Variants in SYBU observed in about 807,000 individuals in gnomAD.
SYBU encodes GOLSYN A protein.
A neutral mutation model predicts 35.9 loss-of-function variants in SYBU; 21 were observed. The observed-to-expected ratio is 0.58, with a 90% CI of 0.41 to 0.84. SYBU has a LOEUF of 0.84. Ranked by LOEUF, SYBU falls within the 40% of genes least tolerant of loss-of-function variation. The probability of loss-of-function intolerance (pLI) is 0.00; values close to 1 mark genes in which losing one functional copy is unlikely to be tolerated. For missense variants in SYBU, 768 were observed against 848.2 expected (o/e 0.91, Z 1.17); for synonymous variants, 319 against 324.3 (o/e 0.98, Z 0.18).
intron 2 of SYBU, among the ~76,000 whole-genome samples, chr8:109,638,937 C>A (rs1294032270): frequency 6.6e-6 from 1 of 152,198 alleles, no homozygotes; most frequent in Non-Finnish European, 1.5e-5. Flanking sequence ...AGGTCACACA[C>A]AACTTCTTCC....
At chr8:109,630,742 C>T (rs1157469863) in intron 2 of SYBU, among the ~76,000 whole-genome samples, 1 of 152,094 alleles carries the variant, frequency 6.6e-6, no homozygotes, top group Non-Finnish European at 1.5e-5. Flanking sequence ...TGCTATGCTA[C>T]ATTTGAGACA....
intron 3 of SYBU, among the ~76,000 whole-genome samples, chr8:109,611,975 G>A (rs1185528945): frequency 6.6e-6 from 1 of 152,138 alleles, no homozygotes; most frequent in Non-Finnish European, 1.5e-5. Flanking sequence ...AAAAAATTGT[G>A]TTTTATATCA....
chr8:109,630,505 G>A (rs1813496722), intron 2 of SYBU, among the ~76,000 whole-genome samples: 1 of 152,202 alleles, frequency 6.6e-6, no homozygotes, highest in South Asian at 2.1e-4. Context: ...AGAGGTAACA[G>A]TGGTTTGACC....
At chr8:109,669,835 T>C (rs1816911072) in intron 1 of SYBU, among the ~76,000 whole-genome samples, 1 of 152,254 alleles carries the variant, frequency 6.6e-6, no homozygotes, top group Non-Finnish European at 1.5e-5. Context: ...GGATCCTAGC[T>C]ACCTATGTAA....
upstream of SYBU, chr8:109,644,989 CG>C: frequency 2.0e-6 from 1 of 492,990 alleles, no homozygotes; most frequent in Admixed American, 3.1e-5. Context: ...CGGCACTCCG[CG>C]CCCCCCCAGC....
At chr8:109,684,628 G>C (rs1425342883), upstream of SYBU, among the ~76,000 whole-genome samples, 1 of 152,194 alleles carries the variant, frequency 6.6e-6, no homozygotes, top group Non-Finnish European at 1.5e-5. Flanking sequence ...AAAAGTCTTT[G>C]GCTGAACTTC....
At chr8:109,642,996 G>T (rs768697272) in intron 1 of SYBU, 64 bp from the exon 2 acceptor site, 3 of 1,452,962 alleles carry the variant, frequency 2.1e-6, no homozygotes, top group African/African-American at 1.4e-5. Flanking sequence ...AACTCCTGTC[G>T]GTTCCTTCAA....
chr8:109,688,691 G>C lies in SYBU; in HGVS notation c.-58+2642C>G, dbSNP rs143129839. On this transcript the variant is annotated intron_variant, in intron 1 of 7. Coordinates refer to the SYBU transcript ENST00000422135. ...ATCATGTCTGCTTGGTGATATCTCT[G>C]GGTTCTGTCACCTGAACCACAGAAA... 1.2e-3 allele frequency among the ~76,000 whole-genome samples: 180 copies of C among 148,460 alleles called. 2 individuals are homozygous for C. The highest frequency in any genetic ancestry group is 3.8e-3 in the Admixed American group (57 of 14,932).
chr8:109,584,382 T>C lies in SYBU; in HGVS notation c.530+1678A>G, dbSNP rs1237614853. On this transcript the variant is annotated intron_variant, in intron 4 of 6. Coordinates refer to ENST00000276646, the MANE Select transcript of SYBU (RefSeq NM_001099754.2). This position sits in a 1 kb window ranked among gnomAD's most constrained non-coding sequence, Gnocchi z 4.0. ...CTTGGAATTTAACCACAAACACTGA[T>C]TCCTTTGAAATATTTAAGTTGGCTT... 1.3e-5 allele frequency among the ~76,000 whole-genome samples: 2 copies of C among 152,222 alleles called. No homozygotes were observed. The highest frequency in any genetic ancestry group is 2.9e-5 in the Non-Finnish European group (2 of 68,038).
chr8:109,603,945 C>G (rs1388754167), intron 3 of SYBU, among the ~76,000 whole-genome samples: 1 of 152,144 alleles, frequency 6.6e-6, no homozygotes. Flanking sequence ...TATTATTATT[C>G]TACCCAGCTC....
Position 109,668,176 on chromosome 8 carries a change from G to A in SYBU, c.-129+12535C>T, listed in dbSNP as rs149397162. Among the ~76,000 whole-genome samples, 87 of 55,484 alleles carry A rather than the reference G, an allele frequency of 1.6e-3. 3 individuals are homozygous for A. Among genetic ancestry groups the A allele is most frequent in the African/African-American group, 0.012 (77 of 6,576 alleles). 36.4% of individuals were successfully genotyped at this position (55,484 alleles called of 152,430 possible). A position where few individuals can be genotyped will look rare whatever the true frequency, so the allele number is the denominator to read the frequency against. ...AGAGGGGGAGAGGGGGAGAGAGAGA[G>A]AGAGAGAGAGAGAGAGAGAGAGAGA... On this transcript the variant is annotated intron_variant, in intron 1 of 5. Transcript: ENST00000408889.
rs1029609182 is a variant in SYBU, at chr8:109,584,449, T to C, written c.530+1611A>G. Among the ~76,000 whole-genome samples the C allele has an allele frequency of 5.9e-5, 9 of 152,204 alleles. No individual in the cohort carries two copies. The highest frequency in any genetic ancestry group is 5.9e-4 in the Admixed American group (9 of 15,280). ...TTTTTTATCTTTTTGCCTTTCTATA[T>C]TGTTTGATACTTTGTTCCATGTGTA... On this transcript the variant is annotated intron_variant, in intron 4 of 6. Transcript: ENST00000276646. This position sits in a 1 kb window ranked among gnomAD's most constrained non-coding sequence, Gnocchi z 4.0.
intron 3 of SYBU, among the ~76,000 whole-genome samples, chr8:109,608,234 C>T (rs1229049382): frequency 6.6e-6 from 1 of 152,126 alleles, no homozygotes; most frequent in Non-Finnish European, 1.5e-5. Context: ...TGAAGAAATA[C>T]CAAATTGTCA....
intron 5 of SYBU, among the ~76,000 whole-genome samples, chr8:109,579,084 C>T (rs575450600): frequency 1.2e-4 from 19 of 152,140 alleles, no homozygotes; most frequent in South Asian, 4.2e-4. Context: ...GGAAGAAGGC[C>T]GAAGGAGGAG....
intron 3 of SYBU, 160 bp downstream of exon 3, chr8:109,618,682 A>C: frequency 3.0e-6 from 2 of 674,054 alleles, no homozygotes; most frequent in African/African-American, 1.8e-5. Context: ...CCATTTCAGA[A>C]AATAGTCCAC....
rs143492115 is a variant in SYBU, at chr8:109,624,126, G to T, written c.230-5087C>A. On this transcript the variant is annotated intron_variant, in intron 2 of 6. Transcript: ENST00000276646. ...AATGAAATAATTTGAGTACCAAAAA[G>T]AATAATAAATGCAAGTGACTGATAA... Among the ~76,000 whole-genome samples the T allele has an allele frequency of 6.5e-3, 994 of 152,046 alleles. 36 individuals are homozygous for T. The highest frequency in any genetic ancestry group is 0.057 in the Admixed American group (869 of 15,250).
chr8:109,646,052 T>C (rs1815662523), upstream of SYBU: 1 of 152,232 alleles, frequency 6.6e-6, no homozygotes, highest in African/African-American at 2.4e-5. Context: ...CACAAATTTG[T>C]TTAAGAAAGC....
Position 109,594,053 on chromosome 8 carries a change from G to A in SYBU, c.428-7891C>T, listed in dbSNP as rs879308518. ...CTTAAAAGAACTAGCTGGAAAGCCTGCTGCTTCTATTTAAGGAGAAGCATT... is the reference window on the plus strand; with the variant it reads ...CTTAAAAGAACTAGCTGGAAAGCCTACTGCTTCTATTTAAGGAGAAGCATT... On this transcript the variant is annotated intron_variant, in intron 3 of 6. Transcript: ENST00000276646. 5.3e-5 allele frequency among the ~76,000 whole-genome samples: 8 copies of A among 152,222 alleles called. 1 individual carries two copies. The highest frequency in any genetic ancestry group is 5.2e-4 in the Admixed American group (8 of 15,276).
intron 3 of SYBU, among the ~76,000 whole-genome samples, chr8:109,615,273 T>C (rs6469269): frequency 0.028 from 4,195 of 152,242 alleles, 186 homozygotes; most frequent in African/African-American, 0.096. Context: ...AGAGCATGCA[T>C]CAAGAGTTGA....
Sources: gnomAD v4.1 joint callset for allele counts (sites outside exome capture counted in the v4.1 genomes callset) on GRCh38, gnomAD v4.1.1 for gene constraint, Gnocchi (gnomAD v3.1) non-coding constraint, MANE v1.5 for transcripts, NCBI Gene and HGNC (gene_info 2026-07-23, HGNC 2026-07-21) for gene names.